The following COL25A1 variants were observed in gnomAD, a reference collection of about 807,000 sequenced individuals.
The protein encoded by COL25A1 is collagen type XXV alpha 1 chain, also known as collagen alpha-1(XXV) chain.
In COL25A1, 103 loss-of-function variants were observed where a neutral mutation model predicts 128.4. The ratio of observed to expected loss-of-function variants is 0.80; its 90% confidence interval spans 0.68 to 0.94. COL25A1 has a LOEUF of 0.94. COL25A1 is among the 40% of genes least tolerant of loss of function. The probability of loss-of-function intolerance (pLI) is 0.00; values close to 1 mark genes in which losing one functional copy is unlikely to be tolerated. For synonymous variants in COL25A1, 279 were observed against 277.2 expected (o/e 1.01, Z -0.06); for missense variants, 745 against 840.0 (o/e 0.89, Z 1.40).
intron 3 of COL25A1, among the ~76,000 whole-genome samples, chr4:109,062,320 T>C (rs1762050807): frequency 6.6e-6 from 1 of 152,230 alleles, no homozygotes; most frequent in Admixed American, 6.5e-5. Flanking sequence ...ATTTGAGTTA[T>C]TTTATTTTGC....
In COL25A1 at chr4:108,980,632, T is replaced by C. The variant is rs184513177; in HGVS notation, c.439-6073A>G. ...CCATTGAGCAGAAGCAGCACAGAGGTAGTCATAACTGCCTCCCCTCAGAAG... is the reference window on the plus strand; with the variant it reads ...CCATTGAGCAGAAGCAGCACAGAGGCAGTCATAACTGCCTCCCCTCAGAAG... On this transcript the variant is annotated intron_variant, in intron 6 of 37. Coordinates refer to ENST00000399132, the MANE Select transcript of COL25A1 (RefSeq NM_198721.4). 3.4e-3 allele frequency among the ~76,000 whole-genome samples: 517 copies of C among 152,302 alleles called. 6 individuals carry two copies. The highest frequency in any genetic ancestry group is 5.6e-3 in the Non-Finnish European group (380 of 68,026).
intron 3 of COL25A1, among the ~76,000 whole-genome samples, chr4:109,071,174 C>T (rs959357070): frequency 2.0e-5 from 3 of 152,098 alleles, no homozygotes; most frequent in East Asian, 1.9e-4. Context: ...TTTGACAAAC[C>T]TGACAAAAAC....
At chr4:108,941,524 A>G in intron 8 of COL25A1, 87 bp from the exon 9 acceptor site, 1 of 915,664 alleles carries the variant, frequency 1.1e-6, no homozygotes, top group Non-Finnish European at 1.8e-6. Context: ...AAAGAAATAA[A>G]GATATCCACA....
At chr4:108,818,691 G>A (rs1731474472) in intron 36 of COL25A1, among the ~76,000 whole-genome samples, 1 of 152,112 alleles carries the variant, frequency 6.6e-6, no homozygotes, top group Non-Finnish European at 1.5e-5. Context: ...GAAGGTTGGG[G>A]CTGCAGACTT....
chr4:109,004,402 G>A (rs535729133), intron 6 of COL25A1, among the ~76,000 whole-genome samples: 2 of 83,552 alleles, frequency 2.4e-5, no homozygotes, highest in Admixed American at 1.1e-4. Flanking sequence ...TGAGGTTTGT[G>A]TTTTTTTTTT....
intron 3 of COL25A1, among the ~76,000 whole-genome samples, chr4:109,254,877 C>T (rs1578561441): frequency 6.6e-6 from 1 of 152,064 alleles, no homozygotes; most frequent in South Asian, 2.1e-4. Context: ...CTAGATATCT[C>T]TCCAAAAGAA....
chr4:108,901,222 C>T (rs551323181), intron 13 of COL25A1, 50 bp from the exon 14 acceptor site: 8 of 1,241,404 alleles, frequency 6.4e-6, no homozygotes, highest in South Asian at 1.2e-5. Flanking sequence ...AAAATCAATA[C>T]ATTACATGGA....
chr4:108,848,020 C>T (rs1003315818), intron 27 of COL25A1, among the ~76,000 whole-genome samples: 2 of 152,106 alleles, frequency 1.3e-5, no homozygotes, highest in African/African-American at 2.4e-5. Context: ...ATACTGTCCA[C>T]GTTCTCCAAC....
intron 18 of COL25A1, among the ~76,000 whole-genome samples, 161 bp from the exon 19 acceptor site, chr4:108,884,383 C>A (rs536614103): frequency 7.9e-4 from 120 of 152,330 alleles, no homozygotes; most frequent in Non-Finnish European, 1.1e-3. Context: ...ATTCAGTCAA[C>A]TCTTGATTTA....
chr4:108,912,705 T>C (rs999038598), intron 13 of COL25A1, among the ~76,000 whole-genome samples: 6 of 152,146 alleles, frequency 3.9e-5, no homozygotes, highest in Non-Finnish European at 5.9e-5. Flanking sequence ...ATAAAAAATA[T>C]TGGATTTATT....
At chr4:109,149,639 A>G (rs1306792542) in intron 3 of COL25A1, among the ~76,000 whole-genome samples, 1 of 152,260 alleles carries the variant, frequency 6.6e-6, no homozygotes, top group African/African-American at 2.4e-5. Flanking sequence ...AAAACACAAC[A>G]AATCAGACAT....
chr4:108,826,906 C>T (rs578020913), intron 33 of COL25A1, among the ~76,000 whole-genome samples: 1 of 152,256 alleles, frequency 6.6e-6, no homozygotes, highest in East Asian at 1.9e-4. Flanking sequence ...GTCTCTGATC[C>T]TGTCAATCTC....
intron 15 of COL25A1, 59 bp downstream of exon 15, chr4:108,899,095 C>T (rs1742516668): frequency 6.4e-7 from 1 of 1,555,866 alleles, no homozygotes; most frequent in Non-Finnish European, 8.8e-7. Flanking sequence ...TTGAGTACTT[C>T]TTTGGTATGC....
In COL25A1 at chr4:108,809,457, A is replaced by G. The variant is rs1406360495; in HGVS notation, c.*4470T>C. 6.6e-6 allele frequency: 1 copy of G among 152,102 alleles called. No homozygotes were observed. Among genetic ancestry groups the G allele is most frequent in the African/African-American group, 2.4e-5 (1 of 41,452 alleles). 9.4% of individuals were successfully genotyped at this position (152,102 alleles called of 1,614,324 possible). On this transcript the variant is annotated 3_prime_UTR_variant, in exon 38 of 38. Transcript: ENST00000399132. ...GTTAATATTTCTGAGATAGGTAAGA[A>G]TATCAACTACATTTTGAGAGATGTT...
At chr4:108,963,198 G>A (rs972401066) in intron 8 of COL25A1, among the ~76,000 whole-genome samples, 43 of 152,126 alleles carry the variant, frequency 2.8e-4, no homozygotes, top group African/African-American at 9.2e-4. Context: ...TCTGTAAATC[G>A]TGATGCACCA....
Position 109,291,116 on chromosome 4 carries a change from C to T in COL25A1, c.367+9467G>A, listed in dbSNP as rs532249847. ...ATTCTGTGTCCTACCAGACAAGTGA[C>T]GAAGGTGCTTCACTTAGCCAAACAA... is the stretch of plus-strand genomic sequence containing the variant. On this transcript the variant is annotated intron_variant, in intron 3 of 37. Transcript: ENST00000399132. 4.9e-4 allele frequency among the ~76,000 whole-genome samples: 75 copies of T among 152,248 alleles called. 1 individual carries two copies. Among genetic ancestry groups the T allele is most frequent in the African/African-American group, 1.6e-3 (67 of 41,546 alleles).
intron 32 of COL25A1, among the ~76,000 whole-genome samples, chr4:108,827,961 T>G (rs1732580632): frequency 6.6e-6 from 1 of 152,136 alleles, no homozygotes; most frequent in Non-Finnish European, 1.5e-5. Context: ...GCTTATTCTC[T>G]GCTACCCTCA....
chr4:108,817,933 A>C (rs536632861), intron 36 of COL25A1, among the ~76,000 whole-genome samples: 8 of 152,266 alleles, frequency 5.3e-5, no homozygotes, highest in African/African-American at 1.9e-4. Flanking sequence ...TCTATATTGA[A>C]AGTAAATACA....
intron 23 of COL25A1, 122 bp downstream of exon 23, chr4:108,860,805 C>T (rs1458142604): frequency 2.4e-6 from 2 of 837,656 alleles, no homozygotes; most frequent in Non-Finnish European, 3.9e-6. Context: ...TTACAGTAGT[C>T]TACCTCCAAT....
Sources: gnomAD v4.1 joint callset for allele counts (sites outside exome capture counted in the v4.1 genomes callset) on GRCh38, gnomAD v4.1.1 for gene constraint, MANE v1.5 for transcripts, NCBI Gene and HGNC (gene_info 2026-07-23, HGNC 2026-07-21) for gene names.